The following SEMA4F variants were observed in gnomAD, a reference collection of about 807,000 sequenced individuals.
SEMA4F encodes the protein ssemaphorin 4F, also known as semaphorin-4F.
In SEMA4F, 51 loss-of-function variants were observed where a neutral mutation model predicts 78.4. That is an observed-to-expected ratio of 0.65 (90% confidence interval 0.52 to 0.82). The LOEUF (loss-of-function observed/expected upper bound fraction) is 0.82, where lower values mean the gene tolerates loss of function less well. SEMA4F is among the 40% of genes least tolerant of loss of function. The probability of loss-of-function intolerance (pLI) is 0.00; values close to 1 mark genes in which losing one functional copy is unlikely to be tolerated. For missense variants in SEMA4F, 938 were observed against 1,014.4 expected, an observed-to-expected ratio of 0.92 and a Z score of 1.02; for synonymous variants, 418 against 408.7, an observed-to-expected ratio of 1.02 and a Z score of -0.27.
At chr2:74,694,317 T>C in the SEMA4F span, among the ~76,000 whole-genome samples, 1 of 152,188 alleles carries the variant, frequency 6.6e-6, no homozygotes, top group African/African-American at 2.4e-5. Flanking sequence ...TTGTTAGACA[T>C]TGAGCAGCTT....
At chr2:74,687,364 C>T (rs1016348747), downstream of SEMA4F, among the ~76,000 whole-genome samples, 3 of 152,236 alleles carry the variant, frequency 2.0e-5, no homozygotes, top group Non-Finnish European at 4.4e-5. Context: ...ATCACATCCT[C>T]CTATTTTAAT....
intron 5 of SEMA4F, among the ~76,000 whole-genome samples, chr2:74,669,566 C>T (rs549287182): frequency 3.9e-5 from 6 of 151,992 alleles, no homozygotes; most frequent in African/African-American, 7.3e-5. Flanking sequence ...GCCTGGGCAA[C>T]GGAGCTAGAC....
In SEMA4F at chr2:74,680,371, G is replaced by A; in HGVS notation, c.*162G>A. The A allele has an allele frequency of 1.2e-6, 1 of 804,594 alleles. No homozygotes were observed. The highest frequency in any genetic ancestry group is 1.9e-6 in the Non-Finnish European group (1 of 539,118). The allele number at this position is 804,594 out of a possible 1,614,324, so 49.8% of individuals were successfully genotyped here. A position where few individuals can be genotyped will look rare whatever the true frequency, so the allele number is the denominator to read the frequency against. On this transcript the variant is annotated 3_prime_UTR_variant, in exon 14 of 14. Coordinates refer to ENST00000357877, the MANE Select transcript of SEMA4F (RefSeq NM_004263.5). ...TATCTGTTCTCTCTGAGCCTGGATG[G>A]GCTTGGGGCCAGACCTTTGCCTGAT...
chr2:74,676,714 C>T (rs1291514597), intron 12 of SEMA4F, among the ~76,000 whole-genome samples: 1 of 152,172 alleles, frequency 6.6e-6, no homozygotes, highest in Admixed American at 6.5e-5. Context: ...TCCAAGCCAT[C>T]ATCGCTTCTT....
At position 74,674,590 on chromosome 2, in the gene SEMA4F, C is replaced by G. The variant is rs1176638758; in HGVS notation, c.915C>G (p.Ala305=). ...GTCCAGGGCCTGAGCATGGCCGGGC[C>G]TCCAGTGTCCTGCAGGATGTTGCTG... ...LLCPGPEHGR[A]SSVLQDVAVL... The change falls in exon 8 of 14, where the codon GCC becomes GCG. Residue 305 remains alanine, a synonymous_variant. Transcript: ENST00000357877. The G allele has an allele frequency of 1.4e-5, 23 of 1,614,136 alleles. No individual in the cohort carries two copies. In the South Asian group the frequency reaches 2.3e-4, roughly 16 times the overall value.
chr2:74,677,790 GGTAAAA>G lies in SEMA4F; in HGVS notation c.1644-1482_1644-1477del, dbSNP rs1685376244. Among the ~76,000 whole-genome samples the G allele has an allele frequency of 2.6e-5, 4 of 152,278 alleles. No individual in the cohort carries two copies. The East Asian group carries it at 7.7e-4, about 29-fold the overall frequency. ...ACCCCATGGCTACAAATTCTGTAGAGGTAAAAGTACTTGTCTTTTGGAATAAAACAG... is the reference window on the plus strand; with the variant it reads ...ACCCCATGGCTACAAATTCTGTAGAGGTACTTGTCTTTTGGAATAAAACAG... On this transcript the variant is annotated intron_variant, in intron 12 of 13. Coordinates refer to ENST00000357877, the MANE Select transcript of SEMA4F (RefSeq NM_004263.5).
chr2:74,654,396 G>T lies in SEMA4F; in HGVS notation c.20G>T (p.Arg7Leu). Residue 7 changes from arginine to leucine, a missense_variant, in exon 1 of 14, where the codon CGG becomes CTG. Physicochemically the swap from Arg to Leu is moderately radical, Grantham distance 102. Transcript: ENST00000357877. MPASAA[R>L]PRPGPGQPTA... is the part of the protein sequence containing the mutation. ...CCAAAGATGCCGGCCTCTGCTGCGC[G>T]GCCCCGCCCGGGTCCCGGGCAGCCT... 2 of 1,521,654 alleles carry T rather than the reference G, an allele frequency of 1.3e-6. No individual in the cohort carries two copies. The highest frequency in any genetic ancestry group is 2.7e-5 in the East Asian group (1 of 37,400). The allele number at this position is 1,521,654 out of a possible 1,614,324, so 94.3% of individuals were successfully genotyped here. A position where few individuals can be genotyped will look rare whatever the true frequency, so the allele number is the denominator to read the frequency against.
the SEMA4F span, among the ~76,000 whole-genome samples, chr2:74,691,636 C>T: frequency 6.6e-6 from 1 of 152,182 alleles, no homozygotes. Flanking sequence ...TCCTAGTTTG[C>T]TTTTCCTAAA....
At position 74,657,599 on chromosome 2, in the gene SEMA4F, A is replaced by G. The variant is rs1325027056; in HGVS notation, c.332A>G (p.Asn111Ser). Reference protein sequence around the residue: ...DWMVPEAHRQNCRKKGKKEDE... With the variant: ...DWMVPEAHRQSCRKKGKKEDE... Reference sequence around the variant, plus strand: ...ATGGTTCCTGAGGCTCACAGACAGAACTGTAGGAAGAAAGGCAAGAAAGAG... The same window carrying G: ...ATGGTTCCTGAGGCTCACAGACAGAGCTGTAGGAAGAAAGGCAAGAAAGAG... The change falls in exon 3 of 14, where the codon AAC becomes AGC. Residue 111 changes from asparagine (N) to serine (S), a missense_variant. Coordinates refer to ENST00000357877, the MANE Select transcript of SEMA4F (RefSeq NM_004263.5). The G allele has an allele frequency of 1.9e-6, 3 of 1,614,212 alleles. No homozygotes were observed. The South Asian group carries it at 3.3e-5, about 18-fold the overall frequency.
intron 5 of SEMA4F, among the ~76,000 whole-genome samples, chr2:74,670,983 G>A (rs1684950742): frequency 6.6e-6 from 1 of 150,640 alleles, no homozygotes; most frequent in South Asian, 2.1e-4. Context: ...CCAGGCCTTA[G>A]CTAGGTCTCT....
Position 74,679,744 on chromosome 2 carries a change from G to A in SEMA4F, c.1848G>A (p.Val616=). ...CCCCCCGGCGGGATGGACTGGAGGTGGTGGTGACCCCAGGGGCCATGGGCG... is the reference window on the plus strand; with the variant it reads ...CCCCCCGGCGGGATGGACTGGAGGTAGTGGTGACCCCAGGGGCCATGGGCG... ...ALTPRRDGLE[V]VVTPGAMGAY... Residue 616 remains valine (V), a synonymous_variant, in exon 14 of 14, where the codon GTG becomes GTA. Transcript: ENST00000357877. The A allele has an allele frequency of 6.2e-7, 1 of 1,614,192 alleles. No homozygotes were observed. The highest frequency in any genetic ancestry group is 8.5e-7 in the Non-Finnish European group (1 of 1,180,046).
chr2:74,703,550 G>A, the SEMA4F span, among the ~76,000 whole-genome samples: 1 of 152,184 alleles, frequency 6.6e-6, no homozygotes, highest in South Asian at 2.1e-4. Context: ...GTTGCAATGG[G>A]CCAAAATGAA....
chr2:74,698,857 C>G, the SEMA4F span, among the ~76,000 whole-genome samples: 1 of 152,236 alleles, frequency 6.6e-6, no homozygotes, highest in Admixed American at 6.5e-5. Context: ...AACAGCAAAC[C>G]AATGCCCAAT....
the SEMA4F span, among the ~76,000 whole-genome samples, chr2:74,705,863 G>C: frequency 1.5e-3 from 228 of 152,202 alleles, 1 homozygote; most frequent in Non-Finnish European, 1.7e-3. Flanking sequence ...CACTGGGCCT[G>C]GCCATATTTG....
the SEMA4F span, among the ~76,000 whole-genome samples, chr2:74,698,848 A>C: frequency 0.35 from 53,718 of 152,158 alleles, 15,348 homozygotes; most frequent in East Asian, 0.82. Flanking sequence ...AGGGCCCCCA[A>C]CAGCAAACCA....
downstream of SEMA4F, among the ~76,000 whole-genome samples, chr2:74,686,036 C>T (rs985303548): frequency 1.3e-5 from 2 of 151,676 alleles, no homozygotes; most frequent in Non-Finnish European, 2.9e-5. Context: ...ATTAGAATGG[C>T]GATCATTAAA....
chr2:74,654,519 C>G lies in SEMA4F; in HGVS notation c.143C>G (p.Ser48Cys). The G allele has an allele frequency of 1.3e-6, 2 of 1,559,538 alleles. No homozygotes were observed. Among genetic ancestry groups the G allele is most frequent in the East Asian group, 2.5e-5 (1 of 40,298 alleles). ...GTGCCCAGAACCTCGCTTCCAATCT[C>G]TGGTAAGGCGCGGACGCCCACGCCC... ...RSVPRTSLPI[S>C]EADSCLTRFA... Residue 48 changes from serine to cysteine, a missense_variant and splice_region_variant, in exon 1 of 14, where the codon TCT (serine) becomes TGT (cysteine). Physicochemically the swap from Ser to Cys is moderately radical, Grantham distance 112 (BLOSUM62 -1). Coordinates refer to ENST00000357877, the MANE Select transcript of SEMA4F (RefSeq NM_004263.5).
Position 74,675,048 on chromosome 2 carries a change from ATCT to A in SEMA4F, c.1149+16_1149+18del. 6.2e-7 allele frequency: 1 copy of A among 1,614,004 alleles called. No homozygotes were observed. Among genetic ancestry groups the A allele is most frequent in the Non-Finnish European group, 8.5e-7 (1 of 1,180,018 alleles). On this transcript the variant is annotated intron_variant, in intron 9 of 13. Coordinates refer to ENST00000357877, the MANE Select transcript of SEMA4F (RefSeq NM_004263.5). ...CAGACCTGGAGAGGTGAGGGGGCAG[ATCT>A]TCATTCTAGGCCTGAAGTCAAGAGC...
rs746352642 is a variant in SEMA4F at position 74,656,560 on chromosome 2, G to T, written c.172G>T (p.Ala58Ser). Residue 58 changes from alanine to serine, a missense_variant, in exon 2 of 14, where the codon GCA (alanine) becomes TCA (serine). Transcript: ENST00000357877. ...SEADSCLTRF[A>S]VPHTYNYSVL... ...GGCTGACTCCTGTCTCACCCGGTTC[G>T]CAGTCCCTCACACATACAATTACTC... is the stretch of plus-strand genomic sequence containing the variant. 3 of 1,613,678 alleles carry T rather than the reference G, an allele frequency of 1.9e-6. No homozygotes were observed. Among genetic ancestry groups the T allele is most frequent in the Admixed American group, 1.7e-5 (1 of 59,976 alleles).
Sources: allele counts gnomAD v4.1 joint callset (sites outside exome capture counted in the v4.1 genomes callset), GRCh38; gene constraint gnomAD v4.1.1; transcripts MANE v1.5; gene names NCBI Gene and HGNC (gene_info 2026-07-23, HGNC 2026-07-21).